Variants in LRRTM3 observed in about 807,000 individuals in gnomAD.
LRRTM3 encodes leucine rich repeat transmembrane neuronal 3, also known as leucine-rich repeat transmembrane neuronal protein 3.
LRRTM3 carries 24 observed loss-of-function variants against 44.7 expected under a neutral mutation model. The ratio of observed to expected loss-of-function variants is 0.54; its 90% CI spans 0.39 to 0.76. The LOEUF (loss-of-function observed/expected upper bound fraction) is 0.76. LRRTM3 is among the 30% of genes least tolerant of loss of function. LRRTM3 has a pLI of 0.00. For synonymous variants in LRRTM3, 277 were observed against 278.7 expected, an observed-to-expected ratio of 0.99 and a Z score of 0.06; for missense variants, 587 against 702.2, an observed-to-expected ratio of 0.84 and a Z score of 1.85.
intron 2 of LRRTM3, among the ~76,000 whole-genome samples, chr10:67,016,579 G>A (rs7087677): frequency 0.88 from 133,836 of 152,142 alleles, 59,817 homozygotes; most frequent in Middle Eastern, 0.98. Context: ...GGATTTCTAC[G>A]TGGTTATTCT....
chr10:67,073,603 G>T (rs1269679162), intron 2 of LRRTM3, among the ~76,000 whole-genome samples: 1 of 149,784 alleles, frequency 6.7e-6, no homozygotes, highest in Non-Finnish European at 1.5e-5. Flanking sequence ...AAAAAACAGA[G>T]ATACAAAATA....
At chr10:67,048,355 A>T (rs192829384) in intron 2 of LRRTM3, among the ~76,000 whole-genome samples, 3 of 152,218 alleles carry the variant, frequency 2.0e-5, no homozygotes, top group African/African-American at 7.2e-5. Flanking sequence ...TTGAGAAAAC[A>T]AAGCCAGTAC....
At chr10:67,076,775 CA>C (rs1015468191) in intron 2 of LRRTM3, among the ~76,000 whole-genome samples, 3 of 152,100 alleles carry the variant, frequency 2.0e-5, no homozygotes, top group African/African-American at 7.2e-5. Flanking sequence ...GAGAAACTTT[CA>C]AAAGCAATGT....
At chr10:67,090,708 T>C (rs1057373617) in intron 2 of LRRTM3, among the ~76,000 whole-genome samples, 13 of 152,010 alleles carry the variant, frequency 8.6e-5, no homozygotes, top group Admixed American at 1.3e-4. Context: ...ATGAAAATAA[T>C]GAAGAGAATA....
At chr10:67,010,377 G>T (rs895582010) in intron 2 of LRRTM3, among the ~76,000 whole-genome samples, 2 of 151,940 alleles carry the variant, frequency 1.3e-5, no homozygotes, top group Non-Finnish European at 2.9e-5. Context: ...AATATAAAAG[G>T]GTTTATCATT....
intron 2 of LRRTM3, among the ~76,000 whole-genome samples, chr10:66,974,115 T>C (rs986824135): frequency 1.3e-5 from 2 of 152,172 alleles, no homozygotes; most frequent in Non-Finnish European, 2.9e-5. Context: ...CCCTACCAGA[T>C]AGCCACTGAT....
intron 1 of LRRTM3, 28 bp from the exon 2 acceptor site, chr10:66,926,893 A>T: frequency 6.5e-7 from 1 of 1,529,692 alleles, no homozygotes; most frequent in Admixed American, 2.2e-5. Flanking sequence ...TTGGGGGGAT[A>T]ACTTTTCTAA....
Position 66,978,435 on chromosome 10 carries a change from G to A in LRRTM3, c.1536+49983G>A, listed in dbSNP as rs868338632. Among the ~76,000 whole-genome samples the A allele has an allele frequency of 9.8e-4, 144 of 147,144 alleles. 2 individuals carry two copies. In the Middle Eastern group the frequency reaches 0.022, roughly 22 times the overall value. ...CCAGCTATTCAGGAGGCTGAGGCAGGAGAATCACTTTAACCTGGGAGGCGG... is the reference window on the plus strand; with the variant it reads ...CCAGCTATTCAGGAGGCTGAGGCAGAAGAATCACTTTAACCTGGGAGGCGG... On this transcript the variant is annotated intron_variant, in intron 2 of 2. Coordinates refer to ENST00000361320, the MANE Select transcript of LRRTM3 (RefSeq NM_178011.5).
At position 67,099,675 on chromosome 10, in the gene LRRTM3, A is replaced by T. The variant is rs868094223; in HGVS notation, c.*1879A>T. The T allele has an allele frequency of 6.6e-6, 1 of 152,236 alleles. No homozygotes were observed. Among genetic ancestry groups the T allele is most frequent in the African/African-American group, 2.4e-5 (1 of 41,410 alleles). 9.4% of individuals were successfully genotyped at this position (152,236 alleles called of 1,614,324 possible). The stretch of plus-strand genomic sequence containing the variant: ...GTAAATGTTGGAAGAAGCAAATTCT[A>T]TTACTAATTCAAATGAAACTAAATG... On this transcript the variant is annotated 3_prime_UTR_variant, in exon 3 of 3. Coordinates refer to ENST00000361320, the MANE Select transcript of LRRTM3 (RefSeq NM_178011.5).
At chr10:67,048,190 A>C (rs1257234933) in intron 2 of LRRTM3, among the ~76,000 whole-genome samples, 2 of 152,054 alleles carry the variant, frequency 1.3e-5, no homozygotes, top group Non-Finnish European at 2.9e-5. Flanking sequence ...ACAAACAAAA[A>C]TAACAGTAGG....
At chr10:67,013,972 G>A (rs1379523120) in intron 2 of LRRTM3, among the ~76,000 whole-genome samples, 1 of 152,030 alleles carries the variant, frequency 6.6e-6, no homozygotes, top group African/African-American at 2.4e-5. Flanking sequence ...GGTTTCCCAG[G>A]ACTGCTGTTT....
At chr10:66,954,271 T>C (rs1848681505) in intron 2 of LRRTM3, among the ~76,000 whole-genome samples, 1 of 152,198 alleles carries the variant, frequency 6.6e-6, no homozygotes, top group Non-Finnish European at 1.5e-5. Flanking sequence ...ATGTGAATCA[T>C]GTTGTAAACC....
At chr10:67,056,911 G>A (rs1044992734) in intron 2 of LRRTM3, among the ~76,000 whole-genome samples, 2 of 152,160 alleles carry the variant, frequency 1.3e-5, no homozygotes, top group East Asian at 1.9e-4. Flanking sequence ...GTGGTGGCCT[G>A]AGTGAATCTG....
At chr10:67,033,643 G>A (rs1466189966) in intron 2 of LRRTM3, among the ~76,000 whole-genome samples, 1 of 152,178 alleles carries the variant, frequency 6.6e-6, no homozygotes. Context: ...TATGAAGTTA[G>A]TACTATTATT....
chr10:67,076,119 T>C (rs1856734596), intron 2 of LRRTM3, among the ~76,000 whole-genome samples: 1 of 152,108 alleles, frequency 6.6e-6, no homozygotes, highest in African/African-American at 2.4e-5. Flanking sequence ...GATGGGAGGG[T>C]GGACCTTTTA....
chr10:67,010,362 T>C (rs1334280975), intron 2 of LRRTM3, among the ~76,000 whole-genome samples: 2 of 152,220 alleles, frequency 1.3e-5, no homozygotes, highest in Middle Eastern at 3.2e-3. Context: ...TAAAATATGT[T>C]TTAAAATATA....
At chr10:67,094,556 A>T (rs566224302) in intron 2 of LRRTM3, among the ~76,000 whole-genome samples, 1 of 151,814 alleles carries the variant, frequency 6.6e-6, no homozygotes, top group South Asian at 2.1e-4. Flanking sequence ...GGTTCTTCAT[A>T]TTGTCAAGCA....
chr10:67,011,421 T>C (rs1024546891), intron 2 of LRRTM3, among the ~76,000 whole-genome samples: 1 of 111,902 alleles, frequency 8.9e-6, no homozygotes, highest in Non-Finnish European at 2.1e-5. Flanking sequence ...GAATACACAA[T>C]TGCTAGTGAA....
At chr10:67,003,408 G>A (rs1205091591) in intron 2 of LRRTM3, among the ~76,000 whole-genome samples, 3 of 152,074 alleles carry the variant, frequency 2.0e-5, no homozygotes, top group African/African-American at 7.2e-5. Flanking sequence ...CCCATAGTAT[G>A]TTCCAAGTAT....
Sources: gnomAD v4.1 joint callset for allele counts (sites outside exome capture counted in the v4.1 genomes callset) on GRCh38, gnomAD v4.1.1 for gene constraint, MANE v1.5 for transcripts, NCBI Gene and HGNC (gene_info 2026-07-23, HGNC 2026-07-21) for gene names.